Variants in ST8SIA1 observed in about 807,000 individuals in gnomAD.
ST8SIA1 encodes the protein alpha-N-acetylneuraminide alpha-2,8-sialyltransferase.
ST8SIA1 carries 16 observed loss-of-function variants against 35.9 expected under a neutral mutation model. That is an observed-to-expected ratio of 0.45 (90% CI 0.30 to 0.68). The LOEUF (loss-of-function observed/expected upper bound fraction) is 0.68. ST8SIA1 is among the 30% of genes least tolerant of loss of function. The pLI is 0.09. For synonymous variants in ST8SIA1, 170 were observed against 169.6 expected (o/e 1.00, Z -0.02); for missense variants, 383 against 453.6 (o/e 0.84, Z 1.41).
At chr12:22,234,510 T>G (rs1423058846) in intron 4 of ST8SIA1, among the ~76,000 whole-genome samples, 1 of 152,218 alleles carries the variant, frequency 6.6e-6, no homozygotes, top group Non-Finnish European at 1.5e-5. Flanking sequence ...TATTTTCTTC[T>G]TCTTTTTTTA....
rs1402867181 is a variant in ST8SIA1, at chr12:22,193,543, C to G, written c.*8009G>C. The G allele has an allele frequency of 2.0e-5, 3 of 152,174 alleles. No individual in the cohort carries two copies. The highest frequency in any genetic ancestry group is 4.4e-5 in the Non-Finnish European group (3 of 68,016). 9.4% of individuals were successfully genotyped at this position (152,174 alleles called of 1,614,324 possible). A position where few individuals can be genotyped will look rare whatever the true frequency, so the allele number is the denominator to read the frequency against. ...GACATGTTTTTACAGCAAACCTCCT[C>G]CTATGACATTGCATTTAGATTCGGT... On this transcript the variant is annotated 3_prime_UTR_variant, in exon 5 of 5. Coordinates refer to ENST00000396037, the MANE Select transcript of ST8SIA1 (RefSeq NM_003034.4).
At chr12:22,242,974 C>A (rs1301790289) in intron 4 of ST8SIA1, among the ~76,000 whole-genome samples, 10 of 152,160 alleles carry the variant, frequency 6.6e-5, no homozygotes, top group Non-Finnish European at 4.4e-5. Flanking sequence ...ACAAGATATC[C>A]TAACAAAGGC....
intron 4 of ST8SIA1, among the ~76,000 whole-genome samples, chr12:22,231,442 A>C (rs1865419228): frequency 6.6e-6 from 1 of 152,094 alleles, no homozygotes; most frequent in Non-Finnish European, 1.5e-5. Context: ...TGATAATTTA[A>C]AGTAGAAAAA....
intron 2 of ST8SIA1, among the ~76,000 whole-genome samples, chr12:22,276,412 G>T (rs1235580626): frequency 6.6e-6 from 1 of 152,146 alleles, no homozygotes; most frequent in African/African-American, 2.4e-5. Flanking sequence ...ATGGAGAAGT[G>T]CAAGTGACAG....
intron 1 of ST8SIA1, among the ~76,000 whole-genome samples, chr12:22,307,983 G>A (rs1866405515): frequency 6.6e-6 from 1 of 152,100 alleles, no homozygotes; most frequent in Non-Finnish European, 1.5e-5. Context: ...GAGATGAGAG[G>A]TCACAATATG....
chr12:22,242,555 G>A (rs1235942402), intron 4 of ST8SIA1, among the ~76,000 whole-genome samples: 2 of 152,066 alleles, frequency 1.3e-5, no homozygotes, highest in African/African-American at 4.8e-5. Flanking sequence ...AAATAATCAA[G>A]GGAATGATGG....
intron 4 of ST8SIA1, among the ~76,000 whole-genome samples, chr12:22,238,163 T>TCA (rs1865496002): frequency 1.3e-5 from 2 of 151,546 alleles, no homozygotes; most frequent in Non-Finnish European, 1.5e-5. Context: ...ACTTGAGAAC[T>TCA]CCCCCCCCAA....
chr12:22,221,817 A>C (rs1865303353), intron 4 of ST8SIA1, among the ~76,000 whole-genome samples: 3 of 152,220 alleles, frequency 2.0e-5, no homozygotes, highest in Admixed American at 1.3e-4. Context: ...GCAAATAGTA[A>C]TTTCTTCCAT....
intron 2 of ST8SIA1, among the ~76,000 whole-genome samples, chr12:22,263,325 G>A (rs1371494155): frequency 1.3e-5 from 2 of 152,072 alleles, no homozygotes; most frequent in Admixed American, 1.3e-4. Context: ...TCTGAGATGC[G>A]CTGAGTAATT....
chr12:22,241,035 A>G (rs1865534991), intron 4 of ST8SIA1, among the ~76,000 whole-genome samples: 2 of 148,708 alleles, frequency 1.3e-5, no homozygotes, highest in Non-Finnish European at 1.5e-5. Context: ...CAAGACTGCA[A>G]TCATGGCTAA....
chr12:22,298,392 C>T (rs1016730388), intron 1 of ST8SIA1, among the ~76,000 whole-genome samples: 1 of 152,166 alleles, frequency 6.6e-6, no homozygotes, highest in African/African-American at 2.4e-5. Flanking sequence ...GGATATGACT[C>T]TATCTCTAGG....
At chr12:22,211,203 T>C (rs953814510) in intron 4 of ST8SIA1, among the ~76,000 whole-genome samples, 4 of 152,218 alleles carry the variant, frequency 2.6e-5, no homozygotes, top group African/African-American at 9.6e-5. Flanking sequence ...TCCAGGAACT[T>C]TCCCATGTTC....
intron 1 of ST8SIA1, among the ~76,000 whole-genome samples, chr12:22,292,477 C>T (rs1866188329): frequency 1.3e-5 from 2 of 152,116 alleles, no homozygotes; most frequent in African/African-American, 4.8e-5. Flanking sequence ...TATAAAGGTG[C>T]TTAATAAATA....
intron 4 of ST8SIA1, among the ~76,000 whole-genome samples, chr12:22,208,899 G>C (rs542585887): frequency 5.3e-5 from 8 of 152,186 alleles, no homozygotes; most frequent in Non-Finnish European, 1.2e-4. Context: ...TCCATACATT[G>C]TACTGGGTCT....
chr12:22,266,007 A>C (rs182714453), intron 2 of ST8SIA1, among the ~76,000 whole-genome samples: 6 of 152,096 alleles, frequency 3.9e-5, no homozygotes, highest in Admixed American at 3.9e-4. Flanking sequence ...CTTTTCTACC[A>C]GCTGGTTATC....
intron 2 of ST8SIA1, among the ~76,000 whole-genome samples, chr12:22,272,984 C>T (rs938802539): frequency 6.6e-6 from 1 of 152,204 alleles, no homozygotes; most frequent in African/African-American, 2.4e-5. Context: ...TCTAATGACA[C>T]AAGAGTAACA....
chr12:22,267,483 C>T (rs1274431383), intron 2 of ST8SIA1, among the ~76,000 whole-genome samples: 2 of 152,164 alleles, frequency 1.3e-5, no homozygotes, highest in African/African-American at 4.8e-5. Context: ...AATGTATCTG[C>T]CATCCTTTCT....
intron 1 of ST8SIA1, among the ~76,000 whole-genome samples, chr12:22,301,931 T>G (rs926993762): frequency 5.9e-5 from 9 of 152,194 alleles, no homozygotes. Flanking sequence ...TGAGATTCCT[T>G]TTATGGAACA....
intron 2 of ST8SIA1, chr12:22,286,600 C>T (rs923792319): frequency 8.3e-6 from 4 of 479,568 alleles, no homozygotes; most frequent in Admixed American, 4.6e-5. Flanking sequence ...TTTCAATGCC[C>T]AGAAAACCAA....
Sources: allele counts gnomAD v4.1 joint callset (sites outside exome capture counted in the v4.1 genomes callset), GRCh38; gene constraint gnomAD v4.1.1; transcripts MANE v1.5; gene names NCBI Gene and HGNC (gene_info 2026-07-23, HGNC 2026-07-21).